Variants in AHI1 observed in about 807,000 individuals in gnomAD.
The protein encoded by AHI1 is jouberin.
A neutral mutation model predicts 149.3 loss-of-function variants in AHI1; 123 were observed. The ratio of observed to expected loss-of-function variants is 0.82; its 90% confidence interval spans 0.71 to 0.96. AHI1 has a LOEUF of 0.96. Among genes scored for constraint, AHI1 ranks in the 40% least tolerant of loss-of-function variants. The pLI is 0.00. For synonymous variants in AHI1, 475 were observed against 459.8 expected, an observed-to-expected ratio of 1.03 and a Z score of -0.42; for missense variants, 1,439 against 1,422.7, an observed-to-expected ratio of 1.01 and a Z score of -0.18.
In AHI1 at chr6:135,484,258, C is replaced by G. The variant is rs145146553; in HGVS notation, c.135+6365G>C. 1.2e-3 allele frequency among the ~76,000 whole-genome samples: 184 copies of G among 152,256 alleles called. 1 individual carries two copies. Among genetic ancestry groups the G allele is most frequent in the African/African-American group, 4.3e-3 (177 of 41,508 alleles). The stretch of plus-strand genomic sequence containing the variant: ...CACGGGAATTTTGGGAGTTACAATT[C>G]AAGATGAGATTTGGGTGGGGACACA... On this transcript the variant is annotated intron_variant, in intron 5 of 28. Coordinates refer to ENST00000265602, the MANE Select transcript of AHI1 (RefSeq NM_001134831.2).
At chr6:135,313,612 G>A (rs1399981219) in intron 26 of AHI1, among the ~76,000 whole-genome samples, 4 of 152,164 alleles carry the variant, frequency 2.6e-5, no homozygotes, top group African/African-American at 7.2e-5. Context: ...TCTATGAGGG[G>A]CAAAAGTCAT....
intron 28 of AHI1, among the ~76,000 whole-genome samples, chr6:135,287,706 A>G (rs368866185): frequency 5.4e-4 from 83 of 152,374 alleles, no homozygotes; most frequent in Middle Eastern, 6.8e-3. Context: ...TGATGAAAAG[A>G]GAAAGAAACA....
At chr6:135,424,067 A>G (rs1783599651) in intron 20 of AHI1, among the ~76,000 whole-genome samples, 2 of 152,062 alleles carry the variant, frequency 1.3e-5, no homozygotes, top group South Asian at 2.1e-4. Flanking sequence ...CATACTCCAC[A>G]GAGAAACATA....
chr6:135,452,103 T>C (rs1037919094), intron 11 of AHI1, among the ~76,000 whole-genome samples: 2 of 152,214 alleles, frequency 1.3e-5, no homozygotes, highest in Admixed American at 6.5e-5. Context: ...ATCTGTTCTA[T>C]AGCACATAAT....
chr6:135,455,612 A>T, intron 10 of AHI1, 122 bp downstream of exon 10: 1 of 701,198 alleles, frequency 1.4e-6, no homozygotes, highest in Non-Finnish European at 2.2e-6. Context: ...ACTAAATCCT[A>T]GAGATTAAAT....
chr6:135,334,831 C>A (rs1367275265), intron 24 of AHI1, among the ~76,000 whole-genome samples: 1 of 152,176 alleles, frequency 6.6e-6, no homozygotes, highest in Non-Finnish European at 1.5e-5. Context: ...ATTCCCCAGA[C>A]CTGCAGCAGC....
chr6:135,417,075 C>T lies in AHI1; in HGVS notation c.2765-5531G>A, dbSNP rs181216028. Among the ~76,000 whole-genome samples the T allele has an allele frequency of 5.3e-5, 8 of 152,126 alleles. No homozygotes were observed. The East Asian group carries it at 1.5e-3, about 29-fold the overall frequency. On this transcript the variant is annotated intron_variant, in intron 20 of 28. Transcript: ENST00000265602. The stretch of plus-strand genomic sequence containing the variant: ...TTAAAGCTGTAAAAGAAAATAAGTG[C>T]TCCATGAACTGGAATTTGGAATGTT...
intron 24 of AHI1, among the ~76,000 whole-genome samples, chr6:135,330,450 GT>G (rs1257546680): frequency 6.6e-6 from 1 of 152,088 alleles, no homozygotes. Flanking sequence ...TTTCACTAAC[GT>G]ATGTACACTG....
intron 26 of AHI1, chr6:135,301,939 A>T (rs772804760): frequency 1.1e-5 from 11 of 985,260 alleles, no homozygotes; most frequent in Non-Finnish European, 1.3e-5. Flanking sequence ...TTCTTTCCAG[A>T]CTTGTGAAAT....
At chr6:135,355,060 T>C (rs1156854281) in intron 24 of AHI1, among the ~76,000 whole-genome samples, 1 of 152,104 alleles carries the variant, frequency 6.6e-6, no homozygotes, top group Non-Finnish European at 1.5e-5. Flanking sequence ...TTCAAGTAAT[T>C]AAAAATCTTG....
Position 135,463,181 on chromosome 6 carries a change from C to G in AHI1, c.875G>C (p.Ser292Thr). The change falls in exon 8 of 29, where the codon AGC (serine) becomes ACC (threonine). Residue 292 changes from serine (S) to threonine (T), a missense_variant. Physicochemically the swap from Ser to Thr is moderately conservative, Grantham distance 58 (BLOSUM62 1). Transcript: ENST00000265602. ...ISSMEQSTED[S>T]MQDDTKPKPK... ...TTTAGGTTTTGTATCATCTTGCATG[C>G]TGTCTTCTGTGCTTTGTTCCATTGA... 2 of 1,607,186 alleles carry G rather than the reference C, an allele frequency of 1.2e-6. No homozygotes were observed. Among genetic ancestry groups the G allele is most frequent in the Non-Finnish European group, 1.7e-6 (2 of 1,178,198 alleles).
At chr6:135,311,909 T>C (rs1395158288) in intron 26 of AHI1, among the ~76,000 whole-genome samples, 1 of 152,144 alleles carries the variant, frequency 6.6e-6, no homozygotes, top group East Asian at 1.9e-4. Flanking sequence ...CGTCCCCTCC[T>C]CCTCCAGTGA....
intron 9 of AHI1, among the ~76,000 whole-genome samples, chr6:135,456,914 C>G (rs1451950526): frequency 6.6e-6 from 1 of 152,182 alleles, no homozygotes; most frequent in African/African-American, 2.4e-5. Context: ...AAAATATTTA[C>G]AATGCAACTT....
At chr6:135,488,222 AGCAAG>A (rs1794753589) in intron 5 of AHI1, among the ~76,000 whole-genome samples, 1 of 152,190 alleles carries the variant, frequency 6.6e-6, no homozygotes, top group African/African-American at 2.4e-5. Flanking sequence ...CAGAAATCTC[AGCAAG>A]GTTTCTTCAT....
rs528954933 is a variant in AHI1, at chr6:135,473,145, G to C, written c.136-5511C>G. Among the ~76,000 whole-genome samples the C allele has an allele frequency of 6.6e-5, 10 of 152,130 alleles. No individual in the cohort carries two copies. The South Asian group carries it at 2.1e-3, about 32-fold the overall frequency. ...TCTAGTTAATTTTTAAACATGACAT[G>C]ATCCCAAGTTTATTATATATGAATA... On this transcript the variant is annotated intron_variant, in intron 5 of 28. Transcript: ENST00000265602.
chr6:135,397,174 ACT>A (rs1224091575), intron 22 of AHI1, among the ~76,000 whole-genome samples: 1 of 151,972 alleles, frequency 6.6e-6, no homozygotes, highest in Non-Finnish European at 1.5e-5. Flanking sequence ...GTTAATTATT[ACT>A]GTTATTATTA....
chr6:135,428,869 G>C, intron 18 of AHI1, 110 bp from the exon 19 acceptor site: 1 of 999,020 alleles, frequency 1.0e-6, no homozygotes, highest in Non-Finnish European at 1.4e-6. Flanking sequence ...AACATTTTTT[G>C]AGAATCTGCC....
In AHI1 at chr6:135,294,577, T is replaced by C. The variant is rs114421406; in HGVS notation, c.3486-4052A>G. On this transcript the variant is annotated intron_variant, in intron 27 of 28. Coordinates refer to ENST00000265602, the MANE Select transcript of AHI1 (RefSeq NM_001134831.2). ...AAAAGAGAAATAGAAAAATAATAGA[T>C]AGACCATAAACAGACCCACATATAT... 4.6e-3 allele frequency among the ~76,000 whole-genome samples: 687 copies of C among 149,384 alleles called. 8 individuals carry two copies. The highest frequency in any genetic ancestry group is 0.016 in the African/African-American group (645 of 40,664).
chr6:135,353,118 G>A (rs1293169348), intron 24 of AHI1, among the ~76,000 whole-genome samples: 1 of 152,020 alleles, frequency 6.6e-6, no homozygotes, highest in Admixed American at 6.6e-5. Context: ...ACAATGTCTG[G>A]AGAAATAAAC....
Sources: allele counts gnomAD v4.1 joint callset (sites outside exome capture counted in the v4.1 genomes callset), GRCh38; gene constraint gnomAD v4.1.1; transcripts MANE v1.5; gene names NCBI Gene and HGNC (gene_info 2026-07-23, HGNC 2026-07-21).